The following SPTAN1 variants were observed in gnomAD, a reference collection of about 807,000 sequenced individuals.
SPTAN1 encodes spectrin alpha, non-erythrocytic 1.
A neutral mutation model predicts 331.3 loss-of-function variants in SPTAN1; 61 were observed. The ratio of observed to expected loss-of-function variants is 0.18; its 90% CI spans 0.15 to 0.23. SPTAN1 has a LOEUF of 0.23. Ranked by LOEUF, SPTAN1 falls within the 10% of genes least tolerant of loss-of-function variation. SPTAN1 has a pLI of 1.00. For missense variants in SPTAN1, 2,043 were observed against 3,147.9 expected, an observed-to-expected ratio of 0.65 and a Z score of 8.40; for synonymous variants, 1,153 against 1,173.9, an observed-to-expected ratio of 0.98 and a Z score of 0.36.
At chr9:128,580,740 A>T (rs1851840846) in intron 10 of SPTAN1, among the ~76,000 whole-genome samples, 182 bp from the exon 11 acceptor site, 1 of 152,250 alleles carries the variant, frequency 6.6e-6, no homozygotes, top group Non-Finnish European at 1.5e-5. Flanking sequence ...TAATTAAAAC[A>T]GGCCATCCCT....
chr9:128,604,211 C>T (rs1589292682), intron 28 of SPTAN1, 115 bp from the exon 29 acceptor site: 2 of 1,092,666 alleles, frequency 1.8e-6, no homozygotes, highest in African/African-American at 1.6e-5. Context: ...AGGTTGGAAA[C>T]AGGAAATTAT....
intron 1 of SPTAN1, chr9:128,555,215 G>T: frequency 1.9e-6 from 1 of 539,640 alleles, no homozygotes; most frequent in Non-Finnish European, 3.0e-6. Flanking sequence ...ATGTCAGAGA[G>T]AAGACACTGA....
At chr9:128,596,185 G>A (rs375665107) in intron 24 of SPTAN1, 5 of 151,960 alleles carry the variant, frequency 3.3e-5, no homozygotes, top group South Asian at 2.1e-4. Flanking sequence ...GCACATACCA[G>A]TACTCCATTC....
rs745682285 is a variant in SPTAN1 at position 128,627,981 on chromosome 9, G to A, written c.6707+39G>A. ...TCTTCCTTCTCTGGGCTTGTCATGT[G>A]GGGGTCTCGTGCGCTTGCCCCTCGT... On this transcript the variant is annotated intron_variant, in intron 51 of 56. Coordinates refer to ENST00000372739, the MANE Select transcript of SPTAN1 (RefSeq NM_001130438.3). The surrounding 1 kb of genome is among the most constrained non-coding windows in gnomAD (Gnocchi z 4.9). 1 of 1,613,706 alleles carries A rather than the reference G, an allele frequency of 6.2e-7. No homozygotes were observed. The highest frequency in any genetic ancestry group is 8.5e-7 in the Non-Finnish European group (1 of 1,179,654).
chr9:128,585,602 C>T (rs1014645278), intron 18 of SPTAN1, 146 bp from the exon 19 acceptor site: 9 of 739,332 alleles, frequency 1.2e-5, no homozygotes, highest in Non-Finnish European at 1.9e-5. Flanking sequence ...ACCTGAGCCT[C>T]TCAAAAAAAA....
intron 2 of SPTAN1, among the ~76,000 whole-genome samples, chr9:128,568,083 G>T (rs1850248154): frequency 6.6e-6 from 1 of 152,176 alleles, no homozygotes; most frequent in Non-Finnish European, 1.5e-5. Context: ...TATAAAAAGG[G>T]AAAGCCTTTC....
chr9:128,558,327 G>A (rs1021938309), intron 1 of SPTAN1, among the ~76,000 whole-genome samples: 1 of 152,158 alleles, frequency 6.6e-6, no homozygotes, highest in African/African-American at 2.4e-5. Context: ...AATAGCCTAC[G>A]TCTTCAGTCT....
chr9:128,595,428 A>T (rs1854141937), intron 24 of SPTAN1, among the ~76,000 whole-genome samples: 1 of 152,174 alleles, frequency 6.6e-6, no homozygotes, highest in Non-Finnish European at 1.5e-5. Context: ...TATTTTTAAA[A>T]GACTTTAATT....
At position 128,626,691 on chromosome 9, in the gene SPTAN1, C is replaced by T. The variant is rs1183184169; in HGVS notation, c.6576+4C>T. The T allele has an allele frequency of 4.4e-6, 7 of 1,603,530 alleles. No individual in the cohort carries two copies. Among genetic ancestry groups the T allele is most frequent in the African/African-American group, 1.3e-5 (1 of 74,856 alleles). ...GAACCTACAGAAAATCATCAAGGTA[C>T]ACCTCCCGCTGCCCTCAGGAGCTGC... is the stretch of plus-strand genomic sequence containing the variant. On this transcript the variant is annotated splice_donor_region_variant and intron_variant, in intron 49 of 56. Coordinates refer to ENST00000372739, the MANE Select transcript of SPTAN1 (RefSeq NM_001130438.3).
chr9:128,616,405 A>G (rs965028782), intron 41 of SPTAN1, among the ~76,000 whole-genome samples: 1 of 150,504 alleles, frequency 6.6e-6, no homozygotes, highest in Non-Finnish European at 1.5e-5. Flanking sequence ...GATCACAGGC[A>G]TGAGCCACTG....
Position 128,582,470 on chromosome 9 carries a change from C to T in SPTAN1, c.1573-9C>T. 1 of 1,613,946 alleles carries T rather than the reference C, an allele frequency of 6.2e-7. No individual in the cohort carries two copies. Among genetic ancestry groups the T allele is most frequent in the East Asian group, 2.2e-5 (1 of 44,890 alleles). On this transcript the variant is annotated splice_polypyrimidine_tract_variant and intron_variant, in intron 12 of 56. Transcript: ENST00000372739. The stretch of plus-strand genomic sequence containing the variant: ...CTTACCAATGAAGAACTCTTATCTT[C>T]CTTCCTAGGCATTAGATGAATTTGC...
chr9:128,630,526 ATC>A lies in SPTAN1; in HGVS notation c.6762+161_6762+162del, dbSNP rs34039280. The A allele has an allele frequency of 1.2e-3, 841 of 690,360 alleles. 6 individuals carry two copies. The African/African-American group carries it at 0.013, about 11-fold the overall frequency. 42.8% of individuals were successfully genotyped at this position (690,360 alleles called of 1,614,324 possible). A position where few individuals can be genotyped will look rare whatever the true frequency, so the allele number is the denominator to read the frequency against. On this transcript the variant is annotated intron_variant, in intron 52 of 56. Transcript: ENST00000372739. ...CTAAAGCAGTCTAGGGCTCTTCACT[ATC>A]TCTCTCTCTTTTCTTTCTTTCTTCA...
intron 1 of SPTAN1, chr9:128,553,249 G>A (rs1297811851): frequency 6.6e-6 from 1 of 152,288 alleles, no homozygotes; most frequent in East Asian, 1.9e-4. Context: ...CCTGCATGGC[G>A]AATCTCTGCC....
rs1277192295 is a variant in SPTAN1, at chr9:128,582,546, G to A, written c.1640G>A (p.Arg547His). 1.9e-6 allele frequency: 3 copies of A among 1,613,778 alleles called. No homozygotes were observed. The highest frequency in any genetic ancestry group is 1.7e-6 in the Non-Finnish European group (2 of 1,180,018). Residue 547 changes from arginine to histidine, a missense_variant, in exon 13 of 57, where the codon CGC (arginine) becomes CAC (histidine). Physicochemically the swap from Arg to His is conservative, Grantham distance 29. Coordinates refer to ENST00000372739, the MANE Select transcript of SPTAN1 (RefSeq NM_001130438.3). ...TATGCAATGGAAGATGTGGCCACTC[G>A]CCGAGATGCTGTAAGTTTGTAGGTT... is the stretch of plus-strand genomic sequence containing the variant. ...NHYAMEDVAT[R>H]RDALLSRRNA... is the part of the protein sequence containing the mutation.
rs562706009 is a variant in SPTAN1, at chr9:128,595,098, C to T, written c.3414+725C>T. ...GTACTGGGATAACAGGCGTAAGCCA[C>T]CGTGCCCGGCCTCAGTTTTTTTTTT... On this transcript the variant is annotated intron_variant, in intron 24 of 56. Coordinates refer to ENST00000372739, the MANE Select transcript of SPTAN1 (RefSeq NM_001130438.3). Among the ~76,000 whole-genome samples, 6 of 148,610 alleles carry T rather than the reference C, an allele frequency of 4.0e-5. No homozygotes were observed. The East Asian group carries it at 1.3e-3, about 32-fold the overall frequency.
intron 45 of SPTAN1, among the ~76,000 whole-genome samples, chr9:128,623,892 C>T (rs1858304959): frequency 6.6e-6 from 1 of 151,586 alleles, no homozygotes. Flanking sequence ...TCGAGACCAG[C>T]CTGACCAACA....
intron 2 of SPTAN1, among the ~76,000 whole-genome samples, chr9:128,567,714 T>G (rs763896071): frequency 6.6e-6 from 1 of 152,212 alleles, no homozygotes; most frequent in Non-Finnish European, 1.5e-5. Flanking sequence ...TTGGTAAATC[T>G]TATCAAAAGC....
At chr9:128,609,354 G>C in intron 36 of SPTAN1, 70 bp downstream of exon 36, 1 of 1,604,448 alleles carries the variant, frequency 6.2e-7, no homozygotes. Context: ...GTTAAATAAA[G>C]CATTTATAAA....
intron 31 of SPTAN1, among the ~76,000 whole-genome samples, chr9:128,606,585 G>T (rs890955461): frequency 2.2e-4 from 33 of 150,954 alleles, no homozygotes; most frequent in African/African-American, 8.0e-4. Context: ...CTGGGTTCAA[G>T]CGATTCTCCT....
Sources: gnomAD v4.1 joint callset for allele counts (sites outside exome capture counted in the v4.1 genomes callset) on GRCh38, gnomAD v4.1.1 for gene constraint, Gnocchi (gnomAD v3.1) non-coding constraint, MANE v1.5 for transcripts, NCBI Gene and HGNC (gene_info 2026-07-23, HGNC 2026-07-21) for gene names.